Variants in SORBS2 observed in about 807,000 individuals in gnomAD.
SORBS2 encodes the protein sorbin and SH3 domain-containing protein 2.
Under a neutral mutation model 97.7 loss-of-function variants are expected in SORBS2, and 46 were observed. That is an observed-to-expected ratio of 0.47 (90% CI 0.37 to 0.60). The LOEUF (loss-of-function observed/expected upper bound fraction) is 0.60, where lower values mean the gene tolerates loss of function less well. Among genes scored for constraint, SORBS2 ranks in the 20% least tolerant of loss-of-function variants. The pLI is 0.00. For synonymous variants in SORBS2, 476 were observed against 473.4 expected (o/e 1.01, Z -0.07); for missense variants, 1,316 against 1,282.3 (o/e 1.03, Z -0.40).
intron 4 of SORBS2, chr4:185,665,915 T>C: frequency 8.3e-7 from 1 of 1,205,518 alleles, no homozygotes; most frequent in Non-Finnish European, 1.1e-6. Context: ...GAGGAGTCTG[T>C]TGTCAGAGAG....
At chr4:185,847,663 A>G (rs2149675964) in intron 1 of SORBS2, among the ~76,000 whole-genome samples, 1 of 152,236 alleles carries the variant, frequency 6.6e-6, no homozygotes, top group South Asian at 2.1e-4. Flanking sequence ...GGCAGCAACG[A>G]TTATAGCAAC....
intron 2 of SORBS2, among the ~76,000 whole-genome samples, chr4:185,708,257 T>C (rs1277287902): frequency 6.6e-6 from 1 of 152,222 alleles, no homozygotes; most frequent in Non-Finnish European, 1.5e-5. Context: ...ATTAAGCATG[T>C]CATTCCTTAA....
chr4:185,623,216 G>A lies in SORBS2; in HGVS notation c.1913C>T (p.Ala638Val), dbSNP rs1322990189. 2 of 1,614,000 alleles carry A rather than the reference G, an allele frequency of 1.2e-6. No individual in the cohort carries two copies. Among genetic ancestry groups the A allele is most frequent in the Non-Finnish European group, 1.7e-6 (2 of 1,180,036 alleles). Residue 638 changes from alanine to valine, a missense_variant, in exon 7 of 15, where the codon GCC becomes GTC. Physicochemically the swap from Ala to Val is moderately conservative, Grantham distance 64. Coordinates refer to ENST00000418609, the Ensembl canonical transcript of SORBS2. The surrounding 1 kb of genome is among the most constrained non-coding windows in gnomAD (Gnocchi z 6.4). Reference sequence around the variant, plus strand: ...AATTTGGTCACAGATGTCTTTAAGGGCAGAGTCCAGAGCCTCAAACACAGA... The same window carrying A: ...AATTTGGTCACAGATGTCTTTAAGGACAGAGTCCAGAGCCTCAAACACAGA...
intron 2 of SORBS2, among the ~76,000 whole-genome samples, chr4:185,679,182 T>G (rs1364799852): frequency 2.6e-5 from 4 of 152,194 alleles, no homozygotes; most frequent in Admixed American, 6.5e-5. Context: ...TAACTCAAAC[T>G]GCCAGATCCT....
chr4:185,765,343 C>T (rs1284101445), intron 2 of SORBS2, among the ~76,000 whole-genome samples: 1 of 151,866 alleles, frequency 6.6e-6, no homozygotes, highest in Non-Finnish European at 1.5e-5. Flanking sequence ...GTTAAACATA[C>T]CAAATAGTCT....
chr4:185,921,278 A>T (rs2149922023), intron 1 of SORBS2, among the ~76,000 whole-genome samples: 1 of 152,334 alleles, frequency 6.6e-6, no homozygotes, highest in East Asian at 1.9e-4. Flanking sequence ...CAATACCGTA[A>T]GGATTAGCTA....
intron 1 of SORBS2, among the ~76,000 whole-genome samples, chr4:185,785,229 A>C (rs959502471): frequency 3.9e-5 from 6 of 152,066 alleles, no homozygotes; most frequent in Admixed American, 6.6e-5. Flanking sequence ...TAAAAAAAAA[A>C]ACAAAAAACC....
At chr4:185,739,775 G>A (rs775484124) in intron 2 of SORBS2, among the ~76,000 whole-genome samples, 11 of 152,202 alleles carry the variant, frequency 7.2e-5, no homozygotes, top group Non-Finnish European at 8.8e-5. Context: ...ATGCTACCAA[G>A]TTGCTTCAGA....
intron 1 of SORBS2, chr4:185,811,093 T>C (rs1267469869): frequency 6.6e-6 from 1 of 152,178 alleles, no homozygotes; most frequent in Admixed American, 6.5e-5. Context: ...CTACACTGTT[T>C]GCTTTACAAC....
intron 1 of SORBS2, among the ~76,000 whole-genome samples, chr4:185,948,215 C>T (rs1015393781): frequency 1.3e-5 from 2 of 152,142 alleles, no homozygotes; most frequent in Admixed American, 6.5e-5. Flanking sequence ...CTCCAATCTG[C>T]AGCAGACCAT....
chr4:185,760,213 C>T (rs1376125457), intron 2 of SORBS2, among the ~76,000 whole-genome samples: 3 of 152,200 alleles, frequency 2.0e-5, no homozygotes, highest in African/African-American at 7.2e-5. Flanking sequence ...TATTTAATTA[C>T]TCTCCATGTG....
At chr4:185,777,744 CAT>C (rs1169470364) in intron 1 of SORBS2, among the ~76,000 whole-genome samples, 3 of 151,524 alleles carry the variant, frequency 2.0e-5, no homozygotes, top group Non-Finnish European at 2.9e-5. Context: ...ACTGAGATGT[CAT>C]ATAAGTGTAA....
At chr4:185,602,967 A>G (rs1234841677) in intron 12 of SORBS2, among the ~76,000 whole-genome samples, 1 of 152,244 alleles carries the variant, frequency 6.6e-6, no homozygotes, top group Non-Finnish European at 1.5e-5. Context: ...AATCACTTTG[A>G]TTTGCTGGAG....
intron 2 of SORBS2, among the ~76,000 whole-genome samples, chr4:185,742,637 G>C (rs1021840801): frequency 6.6e-6 from 1 of 152,176 alleles, no homozygotes; most frequent in African/African-American, 2.4e-5. Flanking sequence ...CATGCCATTA[G>C]CTGTTATCAC....
chr4:185,612,259 G>T (rs1200328526), intron 11 of SORBS2, among the ~76,000 whole-genome samples: 6 of 152,126 alleles, frequency 3.9e-5, no homozygotes, highest in Non-Finnish European at 8.8e-5. Context: ...TGCTGGTATT[G>T]TGTGAAATTA....
chr4:185,821,411 T>C (rs139123276), intron 1 of SORBS2, among the ~76,000 whole-genome samples: 4 of 152,240 alleles, frequency 2.6e-5, no homozygotes, highest in South Asian at 2.1e-4. Flanking sequence ...CAAGCCACCA[T>C]TGAGTTGTTT....
At chr4:185,643,675 C>A (rs2097164064) in intron 4 of SORBS2, among the ~76,000 whole-genome samples, 2 of 152,064 alleles carry the variant, frequency 1.3e-5, no homozygotes, top group South Asian at 4.2e-4. Context: ...AGGGGAAAAC[C>A]CAAGATGACC....
intron 2 of SORBS2, among the ~76,000 whole-genome samples, chr4:185,735,782 T>C (rs774225704): frequency 6.6e-6 from 1 of 152,164 alleles, no homozygotes; most frequent in Non-Finnish European, 1.5e-5. Flanking sequence ...TATAGATAAC[T>C]AAAATTCTAT....
intron 1 of SORBS2, among the ~76,000 whole-genome samples, chr4:185,782,198 CA>C (rs2153636208): frequency 6.6e-6 from 1 of 152,320 alleles, no homozygotes; most frequent in South Asian, 2.1e-4. Flanking sequence ...ATGTAAAAAG[CA>C]AAACATTATG....
Sources: allele counts gnomAD v4.1 joint callset (sites outside exome capture counted in the v4.1 genomes callset), GRCh38; gene constraint gnomAD v4.1.1; non-coding constraint Gnocchi (gnomAD v3.1); transcripts MANE v1.5; gene names NCBI Gene and HGNC (gene_info 2026-07-23, HGNC 2026-07-21).